Variants in KIR3DL3 observed in about 807,000 individuals in gnomAD.
The protein encoded by KIR3DL3 is killer cell immunoglobulin-like receptor 3DL3.
Under a neutral mutation model 34.9 loss-of-function variants are expected in KIR3DL3, and 27 were observed. The ratio of observed to expected loss-of-function variants is 0.77; its 90% CI spans 0.57 to 1.07. KIR3DL3 has a LOEUF of 1.07. KIR3DL3 is among the 50% of genes least tolerant of loss of function. KIR3DL3 has a pLI of 0.00. For synonymous variants in KIR3DL3, 217 were observed against 200.2 expected, an observed-to-expected ratio of 1.08 and a Z score of -0.71; for missense variants, 681 against 528.5, an observed-to-expected ratio of 1.29 and a Z score of -2.83.
chr19:54,724,991 AG>A (rs2067995854), intron 1 of KIR3DL3, among the ~76,000 whole-genome samples: 1 of 112,416 alleles, frequency 8.9e-6, no homozygotes, highest in African/African-American at 3.5e-5. Flanking sequence ...ACGGGCCTGG[AG>A]GTGGAGATAC....
Position 54,729,696 on chromosome 19 carries a change from C to T in KIR3DL3, c.859C>T (p.His287Tyr). The T allele has an allele frequency of 3.8e-6, 6 of 1,598,676 alleles. No individual in the cohort carries two copies. Among genetic ancestry groups the T allele is most frequent in the Non-Finnish European group, 5.1e-6 (6 of 1,175,710 alleles). Residue 287 changes from histidine (H) to tyrosine (Y), a missense_variant, in exon 5 of 8, where the codon CAC becomes TAC. Physicochemically the swap from His to Tyr is moderately conservative, Grantham distance 83 (BLOSUM62 2). Transcript: ENST00000291860. ...QANFPLGPVT[H>Y]GGNYRCFGSF... ...CAACTTCCCTCTGGGCCCTGTGACC[C>T]ACGGAGGGAACTACAGATGCTTCGG...
rs34847288 is a variant in KIR3DL3 at position 54,729,743 on chromosome 19, T to C, written c.906T>C (p.His302=). The change falls in exon 5 of 8, where the codon CAT becomes CAC. Residue 302 remains histidine, a synonymous_variant. Coordinates refer to ENST00000291860, the MANE Select transcript of KIR3DL3 (RefSeq NM_153443.5). ...TCGGCTCTTTCCGTGCCCTGCCCCA[T>C]GCGTGGTCAGACCCGAGTGACCCAC... ...RCFGSFRALP[H]AWSDPSDPLP... 1,173,874 of 1,518,478 alleles carry C rather than the reference T, an allele frequency of 0.77. 461,202 individuals carry two copies. The highest frequency in any genetic ancestry group is 0.99 in the East Asian group (42,035 of 42,516). The allele number at this position is 1,518,478 out of a possible 1,614,324, so 94.1% of individuals were successfully genotyped here.
intron 5 of KIR3DL3, among the ~76,000 whole-genome samples, chr19:54,731,102 A>G (rs1356635140): frequency 6.6e-6 from 1 of 151,584 alleles, no homozygotes; most frequent in East Asian, 1.9e-4. Flanking sequence ...CACCTCCAGG[A>G]TTCAAGAGAT....
intron 5 of KIR3DL3, 79 bp downstream of exon 5, chr19:54,729,865 A>C: frequency 1.4e-6 from 2 of 1,391,472 alleles, no homozygotes; most frequent in African/African-American, 2.9e-5. Flanking sequence ...TGATGGAGAG[A>C]AGCATGGACA....
chr19:54,725,340 A>T (rs1170028034), intron 2 of KIR3DL3, 58 bp downstream of exon 2: 3 of 1,302,212 alleles, frequency 2.3e-6, no homozygotes, highest in Non-Finnish European at 2.1e-6. Context: ...GATGCTCCTG[A>T]AACGGGAGGC....
chr19:54,732,412 G>T (rs1258932374), intron 5 of KIR3DL3, among the ~76,000 whole-genome samples: 2 of 98,510 alleles, frequency 2.0e-5, no homozygotes, highest in African/African-American at 4.7e-5. Flanking sequence ...CACCACACTC[G>T]GCTAATTTTT....
Position 54,735,971 on chromosome 19 carries a change from G to A in KIR3DL3, c.1108G>A (p.Asp370Asn). ...TCACTCAGCATTTCCCTCCCTCCAG[G>A]ACTCTGATGAACAAGACCCTCAGGA... ...PAGNRTVNREDSDEQDPQEVT... is the reference protein window; with the variant it reads ...PAGNRTVNRENSDEQDPQEVT... Residue 370 changes from aspartate to asparagine, a missense_variant and splice_region_variant, in exon 8 of 8, where the codon GAC becomes AAC. By Grantham distance (23) the Asp-to-Asn change is conservative. Coordinates refer to ENST00000291860, the MANE Select transcript of KIR3DL3 (RefSeq NM_153443.5). The A allele has an allele frequency of 6.2e-7, 1 of 1,612,534 alleles. No individual in the cohort carries two copies. Among genetic ancestry groups the A allele is most frequent in the Non-Finnish European group, 8.5e-7 (1 of 1,179,778 alleles).
intron 5 of KIR3DL3, among the ~76,000 whole-genome samples, chr19:54,731,031 T>A (rs34943893): frequency 0.81 from 122,358 of 151,338 alleles, 49,899 homozygotes; most frequent in East Asian, 0.99. Context: ...TTTTTTAGAC[T>A]GTTTCACTCT....
In KIR3DL3 at chr19:54,736,461, A is replaced by G. The variant is rs1196454185; in HGVS notation, c.*365A>G. On this transcript the variant is annotated 3_prime_UTR_variant, in exon 8 of 8. Coordinates refer to ENST00000291860, the MANE Select transcript of KIR3DL3 (RefSeq NM_153443.5). ...ACTTGAGGCTGCGATCACACTGAGG[A>G]ACTCACAATTCCAAACATATAAGAG... is the stretch of plus-strand genomic sequence containing the variant. 4.9e-4 allele frequency: 183 copies of G among 375,182 alleles called. 1 individual carries two copies. The highest frequency in any genetic ancestry group is 4.1e-3 in the African/African-American group (175 of 43,018). 23.2% of individuals were successfully genotyped at this position (375,182 alleles called of 1,614,324 possible).
At position 54,726,028 on chromosome 19, in the gene KIR3DL3, A is replaced by G. The variant is rs2068120570; in HGVS notation, c.71-25A>G. 4 of 1,543,438 alleles carry G rather than the reference A, an allele frequency of 2.6e-6. No individual in the cohort carries two copies. In the Admixed American group the frequency reaches 6.8e-5, roughly 26 times the overall value. On this transcript the variant is annotated intron_variant, in intron 2 of 7. Coordinates refer to ENST00000291860, the MANE Select transcript of KIR3DL3 (RefSeq NM_153443.5). Reference sequence around the variant, plus strand: ...GGGGCGGCTCCACATCCTCCTCTCTAAGGTGGTGCCTCCTTCTCCCCCAGG... The same window carrying G: ...GGGGCGGCTCCACATCCTCCTCTCTGAGGTGGTGCCTCCTTCTCCCCCAGG...
At chr19:54,724,701 A>C (rs2067937235) in intron 1 of KIR3DL3, among the ~76,000 whole-genome samples, 171 bp downstream of exon 1, 2 of 87,688 alleles carry the variant, frequency 2.3e-5, no homozygotes, top group South Asian at 8.7e-4. Flanking sequence ...ATGGGCCTGG[A>C]ACTGTAGATA....
chr19:54,727,455 G>A (rs1424422201), intron 3 of KIR3DL3, among the ~76,000 whole-genome samples, 156 bp from the exon 4 acceptor site: 1 of 136,942 alleles, frequency 7.3e-6, no homozygotes, highest in Non-Finnish European at 1.6e-5. Flanking sequence ...ACAGATGGAG[G>A]GACCTGCAAC....
intron 5 of KIR3DL3, among the ~76,000 whole-genome samples, chr19:54,731,642 A>G (rs1227495872): frequency 6.6e-6 from 1 of 152,114 alleles, no homozygotes; most frequent in Non-Finnish European, 1.5e-5. Flanking sequence ...GCTGATATCA[A>G]AGGGACAGTA....
chr19:54,725,315 C>G, intron 2 of KIR3DL3, 33 bp downstream of exon 2: 3 of 1,529,784 alleles, frequency 2.0e-6, no homozygotes, highest in Admixed American at 1.9e-5. Flanking sequence ...AGGTTGTCAT[C>G]TCCCCACATA....
intron 4 of KIR3DL3, among the ~76,000 whole-genome samples, 198 bp from the exon 5 acceptor site, chr19:54,729,295 G>T (rs1453855731): frequency 6.6e-6 from 1 of 152,092 alleles, no homozygotes; most frequent in Non-Finnish European, 1.5e-5. Context: ...AGCTAGGGAT[G>T]GAGAAGTGAG....
chr19:54,725,045 C>A (rs2068005438), intron 1 of KIR3DL3, among the ~76,000 whole-genome samples: 1 of 133,392 alleles, frequency 7.5e-6, no homozygotes. Context: ...TAGATATGGG[C>A]CTGGAGTAGA....
chr19:54,728,233 G>A (rs1210720695), intron 4 of KIR3DL3, among the ~76,000 whole-genome samples: 4 of 150,346 alleles, frequency 2.7e-5, no homozygotes, highest in Non-Finnish European at 5.9e-5. Context: ...GCACAGGTTA[G>A]AAGGTTCCAT....
chr19:54,734,589 G>C (rs1195342931), intron 5 of KIR3DL3, among the ~76,000 whole-genome samples: 1 of 150,540 alleles, frequency 6.6e-6, no homozygotes, highest in African/African-American at 2.5e-5. Context: ...AGCCCAGGCT[G>C]TTCTGGGATG....
intron 5 of KIR3DL3, 22 bp from the exon 6 acceptor site, chr19:54,735,231 T>C (rs1278541480): frequency 1.4e-6 from 2 of 1,448,890 alleles, no homozygotes; most frequent in Admixed American, 1.7e-5. Context: ...TAGCTTCTTA[T>C]TGGTGTCTTG....
Sources: allele counts gnomAD v4.1 joint callset (sites outside exome capture counted in the v4.1 genomes callset), GRCh38; gene constraint gnomAD v4.1.1; transcripts MANE v1.5; gene names NCBI Gene and HGNC (gene_info 2026-07-23, HGNC 2026-07-21).